Variants in PLCL1 observed in about 807,000 individuals in gnomAD.
PLCL1 encodes inactive phospholipase C-like protein 1.
Under a neutral mutation model 84.4 loss-of-function variants are expected in PLCL1, and 41 were observed. That is an observed-to-expected ratio of 0.49 (90% CI 0.38 to 0.63). PLCL1 has a LOEUF of 0.63. Ranked by LOEUF, PLCL1 falls within the 30% of genes least tolerant of loss-of-function variation. The probability of loss-of-function intolerance (pLI) is 0.00; values close to 1 mark genes in which losing one functional copy is unlikely to be tolerated. For missense variants in PLCL1, 1,206 were observed against 1,367.8 expected, an observed-to-expected ratio of 0.88 and a Z score of 1.87; for synonymous variants, 490 against 488.3, an observed-to-expected ratio of 1.00 and a Z score of -0.05.
chr2:198,033,336 C>T (rs752025809), intron 1 of PLCL1, among the ~76,000 whole-genome samples: 1 of 152,134 alleles, frequency 6.6e-6, no homozygotes, highest in Non-Finnish European at 1.5e-5. Context: ...TCCCTTATTG[C>T]AGGGAGAGCC....
intron 1 of PLCL1, among the ~76,000 whole-genome samples, chr2:197,979,152 A>T (rs1030992343): frequency 6.6e-6 from 1 of 152,110 alleles, no homozygotes; most frequent in African/African-American, 2.4e-5. Context: ...AGCTAATAGT[A>T]TCTGTTATGG....
chr2:198,138,115 G>C (rs1694300989), intron 5 of PLCL1, among the ~76,000 whole-genome samples: 1 of 152,150 alleles, frequency 6.6e-6, no homozygotes, highest in Admixed American at 6.5e-5. Context: ...TTAGTCAGTT[G>C]TCATACTGCT....
At chr2:197,850,029 C>T (rs879265055) in intron 1 of PLCL1, among the ~76,000 whole-genome samples, 1 of 121,990 alleles carries the variant, frequency 8.2e-6, no homozygotes, top group Admixed American at 9.1e-5. Flanking sequence ...CAGACACACA[C>T]AGACACACAC....
At chr2:198,054,844 G>T (rs1299528152) in intron 1 of PLCL1, among the ~76,000 whole-genome samples, 1 of 152,170 alleles carries the variant, frequency 6.6e-6, no homozygotes, top group African/African-American at 2.4e-5. Context: ...CAGCAAGCTG[G>T]AATCCACTTC....
chr2:198,061,741 A>C (rs1406590762), intron 1 of PLCL1, among the ~76,000 whole-genome samples: 1 of 152,092 alleles, frequency 6.6e-6, no homozygotes, highest in Non-Finnish European at 1.5e-5. Flanking sequence ...CTGGGATTAC[A>C]GGCATGTGCC....
intron 5 of PLCL1, among the ~76,000 whole-genome samples, chr2:198,133,332 C>A (rs1400268254): frequency 7.4e-6 from 1 of 134,328 alleles, no homozygotes; most frequent in African/African-American, 2.9e-5. Context: ...ACAATGAGAT[C>A]ACATGGACAC....
chr2:197,957,963 A>G (rs1306185538), intron 1 of PLCL1, among the ~76,000 whole-genome samples: 1 of 152,082 alleles, frequency 6.6e-6, no homozygotes, highest in Non-Finnish European at 1.5e-5. Flanking sequence ...TTTAATCTTG[A>G]CAAAATCAAA....
At chr2:198,120,544 C>T (rs1001942546) in intron 5 of PLCL1, among the ~76,000 whole-genome samples, 10 of 151,918 alleles carry the variant, frequency 6.6e-5, no homozygotes, top group African/African-American at 2.4e-4. Flanking sequence ...TAATTTTTAG[C>T]TCCCACAAAT....
At chr2:197,866,032 A>AT (rs1460970872) in intron 1 of PLCL1, among the ~76,000 whole-genome samples, 47 of 56,254 alleles carry the variant, frequency 8.4e-4, no homozygotes, top group African/African-American at 1.3e-3. Context: ...AAAAAAAAAA[A>AT]AAAAATATAT....
chr2:197,960,151 A>G (rs1689582180), intron 1 of PLCL1, among the ~76,000 whole-genome samples: 1 of 152,054 alleles, frequency 6.6e-6, no homozygotes, highest in Non-Finnish European at 1.5e-5. Context: ...AATAAAAAAC[A>G]TGCTTTTATA....
At chr2:197,845,241 A>T (rs538755920) in intron 1 of PLCL1, among the ~76,000 whole-genome samples, 122 of 152,278 alleles carry the variant, frequency 8.0e-4, no homozygotes, top group African/African-American at 2.8e-3. Context: ...CAAGTCAAAG[A>T]TTCTACAAGT....
intron 1 of PLCL1, among the ~76,000 whole-genome samples, chr2:198,051,666 T>A (rs1221214918): frequency 1.3e-5 from 2 of 152,208 alleles, no homozygotes; most frequent in Admixed American, 1.3e-4. Flanking sequence ...AATTTAGGTA[T>A]GTTACCATGG....
intron 1 of PLCL1, among the ~76,000 whole-genome samples, chr2:197,838,311 G>A (rs1257834504): frequency 1.3e-5 from 2 of 152,144 alleles, no homozygotes; most frequent in East Asian, 1.9e-4. Flanking sequence ...TTCTGCTTTC[G>A]AAGAGCATTT....
chr2:198,104,063 G>T, intron 5 of PLCL1, 127 bp downstream of exon 5: 1 of 493,744 alleles, frequency 2.0e-6, no homozygotes, highest in Non-Finnish European at 3.6e-6. Flanking sequence ...TAGATTCAGG[G>T]TTACATGTGC....
At chr2:197,946,783 C>A (rs1320057214) in intron 1 of PLCL1, among the ~76,000 whole-genome samples, 1 of 152,172 alleles carries the variant, frequency 6.6e-6, no homozygotes, top group Non-Finnish European at 1.5e-5. Context: ...TTAGTCACAG[C>A]TAGCAATTAC....
intron 5 of PLCL1, among the ~76,000 whole-genome samples, chr2:198,130,457 T>G (rs534667373): frequency 1.3e-5 from 2 of 152,230 alleles, no homozygotes; most frequent in South Asian, 4.1e-4. Context: ...ATCTCAAGTG[T>G]GTATTTTTGG....
intron 1 of PLCL1, among the ~76,000 whole-genome samples, chr2:197,963,032 A>G (rs1365671815): frequency 6.6e-6 from 1 of 152,102 alleles, no homozygotes; most frequent in Non-Finnish European, 1.5e-5. Flanking sequence ...TGTTGCAGCG[A>G]ACATGGGAGT....
At chr2:197,858,520 T>C (rs1330102366) in intron 1 of PLCL1, among the ~76,000 whole-genome samples, 1 of 152,194 alleles carries the variant, frequency 6.6e-6, no homozygotes, top group Non-Finnish European at 1.5e-5. Context: ...GTTTACTTCC[T>C]TTGTATGTAC....
rs770470677 is a variant in PLCL1, at chr2:198,085,004, C to T, written c.1487C>T (p.Ser496Phe). The stretch of plus-strand genomic sequence containing the variant: ...ATTCTTTGCTTGGGAAATCACTGCT[C>T]CTTGCCGCAGCAGAAGGTAATGGCT... ...PLILCLGNHC[S>F]LPQQKVMAQQ... The change falls in exon 2 of 6, where the codon TCC becomes TTC. Residue 496 changes from serine (S) to phenylalanine (F), a missense_variant. By Grantham distance (155) the Ser-to-Phe change is radical (BLOSUM62 -2). Coordinates refer to ENST00000428675, the MANE Select transcript of PLCL1 (RefSeq NM_006226.4). This position sits in a 1 kb window ranked among gnomAD's most constrained non-coding sequence, Gnocchi z 5.3. The T allele has an allele frequency of 1.2e-6, 2 of 1,614,016 alleles. No individual in the cohort carries two copies. Among genetic ancestry groups the T allele is most frequent in the Non-Finnish European group, 1.7e-6 (2 of 1,180,000 alleles).
Sources: gnomAD v4.1 joint callset for allele counts (sites outside exome capture counted in the v4.1 genomes callset) on GRCh38, gnomAD v4.1.1 for gene constraint, Gnocchi (gnomAD v3.1) non-coding constraint, MANE v1.5 for transcripts, NCBI Gene and HGNC (gene_info 2026-07-23, HGNC 2026-07-21) for gene names.